ADGRB3: variants seen among roughly 807,000 people sequenced by gnomAD.
ADGRB3 encodes the protein brain-specific angiogenesis inhibitor 3.
Under a neutral mutation model 193.4 loss-of-function variants are expected in ADGRB3, and 37 were observed. That is an observed-to-expected ratio of 0.19 (90% CI 0.15 to 0.25). The LOEUF (loss-of-function observed/expected upper bound fraction) is 0.25. Ranked by LOEUF, ADGRB3 falls within the 10% of genes least tolerant of loss-of-function variation. The pLI is 1.00. For synonymous variants in ADGRB3, 690 were observed against 644.2 expected, an observed-to-expected ratio of 1.07 and a Z score of -1.08; for missense variants, 1,637 against 1,852.9, an observed-to-expected ratio of 0.88 and a Z score of 2.14.
intron 3 of ADGRB3, among the ~76,000 whole-genome samples, chr6:68,772,747 GT>G (rs913486612): frequency 2.4e-4 from 36 of 151,064 alleles, no homozygotes; most frequent in African/African-American, 8.0e-4. Context: ...GCCAGGTGTG[GT>G]AGTTCATGCC....
intron 3 of ADGRB3, among the ~76,000 whole-genome samples, chr6:68,733,812 A>T (rs935987353): frequency 2.0e-5 from 3 of 152,028 alleles, no homozygotes; most frequent in African/African-American, 7.2e-5. Flanking sequence ...AAGAATGTAC[A>T]TGTAAAATGT....
chr6:69,130,209 A>G (rs1773968196), intron 17 of ADGRB3, among the ~76,000 whole-genome samples: 1 of 151,952 alleles, frequency 6.6e-6, no homozygotes, highest in South Asian at 2.1e-4. Context: ...CTCTTTTGAA[A>G]GGGCACTGAT....
At chr6:69,094,997 G>A (rs768235014) in intron 17 of ADGRB3, among the ~76,000 whole-genome samples, 43 of 152,304 alleles carry the variant, frequency 2.8e-4, no homozygotes, top group Non-Finnish European at 5.7e-4. Context: ...CTAATAGAAG[G>A]CATCAGTGTG....
intron 15 of ADGRB3, among the ~76,000 whole-genome samples, chr6:69,054,274 T>C (rs993173473): frequency 6.6e-5 from 10 of 152,172 alleles, no homozygotes; most frequent in Non-Finnish European, 1.0e-4. Context: ...CTAATTAAGA[T>C]AAATGAGGCT....
At chr6:68,646,475 C>CAAA (rs368034374) in intron 3 of ADGRB3, among the ~76,000 whole-genome samples, 1 of 107,616 alleles carries the variant, frequency 9.3e-6, no homozygotes, top group African/African-American at 4.6e-5. Flanking sequence ...GAAACTCTGT[C>CAAA]AAAAAAAAAA....
chr6:68,777,378 T>A (rs1766767540), intron 3 of ADGRB3, among the ~76,000 whole-genome samples: 1 of 152,126 alleles, frequency 6.6e-6, no homozygotes, highest in South Asian at 2.1e-4. Context: ...CTGCTAGGAA[T>A]GTAGAAATAT....
intron 17 of ADGRB3, among the ~76,000 whole-genome samples, chr6:69,219,168 G>A (rs1043825902): frequency 6.6e-6 from 1 of 151,842 alleles, no homozygotes; most frequent in Non-Finnish European, 1.5e-5. Flanking sequence ...AATTTTATGT[G>A]CTACCCTGAG....
intron 23 of ADGRB3, chr6:69,331,497 C>A (rs890649879): frequency 1.2e-4 from 119 of 981,478 alleles, no homozygotes; most frequent in Non-Finnish European, 1.3e-4. Context: ...TAGTGACATC[C>A]TACTAATTCT....
intron 31 of ADGRB3, among the ~76,000 whole-genome samples, chr6:69,385,513 G>C (rs1770051277): frequency 6.6e-6 from 1 of 152,056 alleles, no homozygotes; most frequent in African/African-American, 2.4e-5. Context: ...TATTTCTACT[G>C]ATGCAGCTTA....
chr6:68,885,167 G>T lies in ADGRB3; in HGVS notation c.758-45392G>T, dbSNP rs6900465. On this transcript the variant is annotated intron_variant, in intron 3 of 31. Coordinates refer to ENST00000370598, the MANE Select transcript of ADGRB3 (RefSeq NM_001704.3). ...ATTTTTTGGGGATCTTATAAAACTG[G>T]GAGAATTTGAATGGTCTGAAGGAAG... Among the ~76,000 whole-genome samples the T allele has an allele frequency of 2.3e-3, 349 of 152,124 alleles. 1 individual carries two copies. Among genetic ancestry groups the T allele is most frequent in the African/African-American group, 8.1e-3 (337 of 41,498 alleles).
chr6:69,363,794 C>T (rs1370162963), intron 29 of ADGRB3, among the ~76,000 whole-genome samples: 7 of 151,984 alleles, frequency 4.6e-5, no homozygotes, highest in Non-Finnish European at 2.9e-5. Context: ...GTCTGGCTTT[C>T]TTCTCGGGCA....
intron 3 of ADGRB3, among the ~76,000 whole-genome samples, chr6:68,670,369 A>C (rs557845129): frequency 6.6e-6 from 1 of 151,810 alleles, no homozygotes; most frequent in Non-Finnish European, 1.5e-5. Context: ...GATTTTCCCC[A>C]GTGTTTTCTT....
intron 3 of ADGRB3, among the ~76,000 whole-genome samples, chr6:68,798,154 T>G (rs980631252): frequency 6.6e-6 from 1 of 152,164 alleles, no homozygotes. Context: ...TAAGTAAAAT[T>G]TAAAATAAAC....
At chr6:68,862,700 A>T (rs1765190887) in intron 3 of ADGRB3, among the ~76,000 whole-genome samples, 1 of 152,190 alleles carries the variant, frequency 6.6e-6, no homozygotes, top group Non-Finnish European at 1.5e-5. Flanking sequence ...TCTGATATAT[A>T]TGAGAGATTG....
At chr6:69,151,683 G>T (rs1774683743) in intron 17 of ADGRB3, among the ~76,000 whole-genome samples, 1 of 152,158 alleles carries the variant, frequency 6.6e-6, no homozygotes, top group African/African-American at 2.4e-5. Flanking sequence ...GCTCTGCCCT[G>T]TGATTAGCAG....
chr6:69,228,787 A>G (rs1766074845), intron 17 of ADGRB3, among the ~76,000 whole-genome samples: 1 of 152,236 alleles, frequency 6.6e-6, no homozygotes, highest in Non-Finnish European at 1.5e-5. Flanking sequence ...TTTAAAACAG[A>G]TTACAATAAA....
At chr6:68,897,957 TATA>T (rs912106341) in intron 3 of ADGRB3, among the ~76,000 whole-genome samples, 8 of 147,378 alleles carry the variant, frequency 5.4e-5, no homozygotes, top group Non-Finnish European at 7.5e-5. Flanking sequence ...ATATATATAA[TATA>T]ATAATAATTA....
chr6:69,078,689 G>T (rs1338062851), intron 17 of ADGRB3, among the ~76,000 whole-genome samples: 1 of 151,902 alleles, frequency 6.6e-6, no homozygotes, highest in East Asian at 1.9e-4. Context: ...TCTCCCTGAG[G>T]ATATCTCTGC....
chr6:68,961,201 A>G (rs1490587780), intron 8 of ADGRB3, among the ~76,000 whole-genome samples: 1 of 152,170 alleles, frequency 6.6e-6, no homozygotes, highest in East Asian at 1.9e-4. Flanking sequence ...GCTGTTGTGC[A>G]CAAAGAAAGA....
Sources: allele counts gnomAD v4.1 joint callset (sites outside exome capture counted in the v4.1 genomes callset), GRCh38; gene constraint gnomAD v4.1.1; transcripts MANE v1.5; gene names NCBI Gene and HGNC (gene_info 2026-07-23, HGNC 2026-07-21).